ADSS2: variants seen among roughly 807,000 people sequenced by gnomAD.
The protein encoded by ADSS2 is adenylosuccinate synthetase isozyme 2.
A neutral mutation model predicts 60.0 loss-of-function variants in ADSS2; 30 were observed. The observed-to-expected ratio is 0.50, with a 90% CI of 0.37 to 0.68. The LOEUF is 0.68. Ranked by LOEUF, ADSS2 falls within the 30% of genes least tolerant of loss-of-function variation. ADSS2 has a pLI of 0.00. For missense variants in ADSS2, 373 were observed against 554.8 expected, an observed-to-expected ratio of 0.67 and a Z score of 3.29; for synonymous variants, 187 against 193.1, an observed-to-expected ratio of 0.97 and a Z score of 0.26.
chr1:244,433,834 T>TG (rs1383317858), intron 3 of ADSS2, among the ~76,000 whole-genome samples: 2 of 123,542 alleles, frequency 1.6e-5, no homozygotes, highest in Non-Finnish European at 3.1e-5. Context: ...CACTCCAGCC[T>TG]GGCAACAGAG....
At chr1:244,416,121 A>G (rs750079350) in intron 10 of ADSS2, 43 bp from the exon 11 acceptor site, 1 of 1,341,694 alleles carries the variant, frequency 7.5e-7, no homozygotes, top group East Asian at 2.3e-5. Flanking sequence ...GCAGACTCTT[A>G]AAGCCTCTAA....
intron 1 of ADSS2, among the ~76,000 whole-genome samples, chr1:244,444,298 G>A (rs1444898489): frequency 2.6e-5 from 4 of 151,090 alleles, no homozygotes; most frequent in Admixed American, 6.6e-5. Flanking sequence ...GGCGGATCAC[G>A]AGGTCAGGAG....
intron 12 of ADSS2, 90 bp from the exon 13 acceptor site, chr1:244,409,728 C>A (rs2306084): frequency 0.088 from 87,157 of 992,118 alleles, 4,893 homozygotes; most frequent in Admixed American, 0.22. Flanking sequence ...CTACTTTTCT[C>A]AGTATCACCA....
At chr1:244,419,155 G>C (rs1014062588) in intron 8 of ADSS2, 1 of 354,996 alleles carries the variant, frequency 2.8e-6, no homozygotes, top group Admixed American at 4.6e-5. Flanking sequence ...TGCATGTACA[G>C]TTACTGACTC....
intron 11 of ADSS2, among the ~76,000 whole-genome samples, chr1:244,412,110 T>A (rs1210423450): frequency 6.6e-6 from 1 of 152,164 alleles, no homozygotes; most frequent in Non-Finnish European, 1.5e-5. Context: ...CCCATATCCA[T>A]TGACTTGTCA....
At position 244,432,663 on chromosome 1, in the gene ADSS2, T is replaced by TC. The variant is rs751257206; in HGVS notation, c.356-69_356-68insG. 16 of 519,834 alleles carry TC rather than the reference T, an allele frequency of 3.1e-5. No individual in the cohort carries two copies. The African/African-American group carries it at 4.3e-4, about 14-fold the overall frequency. 32.2% of individuals were successfully genotyped at this position (519,834 alleles called of 1,614,324 possible). A position where few individuals can be genotyped will look rare whatever the true frequency, so the allele number is the denominator to read the frequency against. On this transcript the variant is annotated intron_variant, in intron 3 of 12. Coordinates refer to ENST00000366535, the MANE Select transcript of ADSS2 (RefSeq NM_001126.5). ...AGCAGTTTTAAAATCTTAATTTCTT[T>TC]TTTTTTTTTTTTTTTTTTGAGACAG...
At chr1:244,430,108 A>G (rs1030860499) in intron 4 of ADSS2, among the ~76,000 whole-genome samples, 1 of 151,434 alleles carries the variant, frequency 6.6e-6, no homozygotes, top group East Asian at 1.9e-4. Context: ...CACTTATGGG[A>G]AAAAATAATT....
At chr1:244,410,614 T>G (rs1664390238) in intron 12 of ADSS2, among the ~76,000 whole-genome samples, 1 of 152,086 alleles carries the variant, frequency 6.6e-6, no homozygotes, top group Non-Finnish European at 1.5e-5. Flanking sequence ...AAACAAACCA[T>G]AAACCATTTT....
rs1332377751 is a variant in ADSS2 at position 244,408,911 on chromosome 1, T to C, written c.*675A>G. 1.3e-5 allele frequency: 2 copies of C among 152,586 alleles called. No individual in the cohort carries two copies. Among genetic ancestry groups the C allele is most frequent in the African/African-American group, 4.8e-5 (2 of 41,454 alleles). 9.5% of individuals were successfully genotyped at this position (152,586 alleles called of 1,614,324 possible). ...AGATTGTTGTTTTGGGAAACATCTA[T>C]TCTCTTTGAACATTTCACTAAATTT... On this transcript the variant is annotated 3_prime_UTR_variant, in exon 13 of 13. Coordinates refer to ENST00000366535, the MANE Select transcript of ADSS2 (RefSeq NM_001126.5).
intron 4 of ADSS2, among the ~76,000 whole-genome samples, chr1:244,427,711 A>G (rs1664840142): frequency 6.6e-6 from 1 of 152,210 alleles, no homozygotes; most frequent in African/African-American, 2.4e-5. Flanking sequence ...AAGGAATATT[A>G]CCATAAAAAG....
At chr1:244,449,470 T>C (rs548172478) in intron 1 of ADSS2, among the ~76,000 whole-genome samples, 16 of 152,312 alleles carry the variant, frequency 1.1e-4, no homozygotes, top group Middle Eastern at 3.4e-3. Flanking sequence ...TTACTGTTGA[T>C]TTTTTCCAGC....
At chr1:244,437,809 T>C in intron 1 of ADSS2, 41 bp from the exon 2 acceptor site, 1 of 1,390,336 alleles carries the variant, frequency 7.2e-7, no homozygotes, top group Non-Finnish European at 1.0e-6. Flanking sequence ...TGATGATAAA[T>C]ACTACAAATA....
intron 1 of ADSS2, among the ~76,000 whole-genome samples, chr1:244,448,731 T>A (rs929827996): frequency 2.0e-5 from 3 of 152,218 alleles, no homozygotes; most frequent in African/African-American, 7.2e-5. Context: ...GGCTTCCTTT[T>A]GTGATGCCAG....
intron 11 of ADSS2, among the ~76,000 whole-genome samples, chr1:244,412,352 T>C (rs1302765017): frequency 1.3e-5 from 2 of 152,198 alleles, no homozygotes; most frequent in Non-Finnish European, 2.9e-5. Context: ...GGAGTCTGTT[T>C]CCTAGGGAAC....
chr1:244,438,900 CAATCT>C (rs1456282364), intron 1 of ADSS2, among the ~76,000 whole-genome samples: 3 of 152,114 alleles, frequency 2.0e-5, no homozygotes, highest in African/African-American at 7.2e-5. Context: ...CATTGTGTTA[CAATCT>C]AATTATACTG....
intron 1 of ADSS2, among the ~76,000 whole-genome samples, chr1:244,440,900 C>T (rs2148011510): frequency 6.6e-6 from 1 of 152,232 alleles, no homozygotes; most frequent in East Asian, 1.9e-4. Context: ...TAATGAGAGG[C>T]ACTCAGATTG....
At chr1:244,450,800 G>T (rs1355280052) in intron 1 of ADSS2, among the ~76,000 whole-genome samples, 4 of 152,160 alleles carry the variant, frequency 2.6e-5, no homozygotes, top group Non-Finnish European at 5.9e-5. Context: ...CCCGTTAGAA[G>T]TACATTACCA....
intron 1 of ADSS2, among the ~76,000 whole-genome samples, chr1:244,440,926 T>G (rs1306650916): frequency 6.6e-6 from 1 of 152,224 alleles, no homozygotes; most frequent in African/African-American, 2.4e-5. Context: ...CATCTTTTGC[T>G]ATTATAAACA....
Position 244,436,815 on chromosome 1 carries a change from T to C in ADSS2, c.355+10A>G. The C allele has an allele frequency of 6.2e-7, 1 of 1,604,284 alleles. No individual in the cohort carries two copies. Among genetic ancestry groups the C allele is most frequent in the Non-Finnish European group, 8.5e-7 (1 of 1,172,384 alleles). On this transcript the variant is annotated intron_variant, in intron 3 of 12. Transcript: ENST00000366535. ...ACAACTGGTTACCAAGTAGACTCAT[T>C]CTTTCATACCTTTTCCTTTTTGAAC...
Sources: allele counts gnomAD v4.1 joint callset (sites outside exome capture counted in the v4.1 genomes callset), GRCh38; gene constraint gnomAD v4.1.1; transcripts MANE v1.5; gene names NCBI Gene and HGNC (gene_info 2026-07-23, HGNC 2026-07-21).